TRAP1: variants seen among roughly 807,000 people sequenced by gnomAD.
TRAP1 encodes the protein heat shock protein 75 kDa, mitochondrial.
TRAP1 carries 102 observed loss-of-function variants against 89.1 expected under a neutral mutation model. That is an observed-to-expected ratio of 1.15 (90% confidence interval 0.98 to 1.35). TRAP1 has a LOEUF of 1.35. Among genes scored for constraint, TRAP1 ranks in the 40% most tolerant of loss-of-function variants. The probability of loss-of-function intolerance (pLI) is 0.00; values close to 1 mark genes in which losing one functional copy is unlikely to be tolerated. For missense variants in TRAP1, 1,256 were observed against 945.3 expected (o/e 1.33, Z -4.31); for synonymous variants, 508 against 388.0 (o/e 1.31, Z -3.64).
intron 2 of TRAP1, among the ~76,000 whole-genome samples, chr16:3,690,257 C>T (rs1047708931): frequency 7.2e-5 from 11 of 152,166 alleles, no homozygotes; most frequent in Admixed American, 2.0e-4. Context: ...CCTCCTGCCT[C>T]GGCCTCCCAA....
At chr16:3,686,597 G>A (rs1304305301) in intron 3 of TRAP1, among the ~76,000 whole-genome samples, 3 of 152,190 alleles carry the variant, frequency 2.0e-5, no homozygotes. Context: ...GATTACAGAC[G>A]TGAGCCACGG....
rs1238469212 is a variant in TRAP1 at position 3,689,066 on chromosome 16, A to G, written c.319T>C (p.Ser107Pro). The G allele has an allele frequency of 6.2e-7, 1 of 1,611,916 alleles. No individual in the cohort carries two copies. The highest frequency in any genetic ancestry group is 1.7e-5 in the Admixed American group (1 of 59,664). ...LLDIVARSLYSEKEVFIRELI... is the reference protein window; with the variant it reads ...LLDIVARSLYPEKEVFIRELI... ...AGCAGGGAACGCACCTCTTTTTCTG[A>G]GTACAGGGACCGGGCAACAATGTCC... The change falls in exon 3 of 18, where the codon TCA becomes CCA. Residue 107 changes from serine (S) to proline (P), a missense_variant. Physicochemically the swap from Ser to Pro is moderately conservative, Grantham distance 74. Coordinates refer to ENST00000246957, the MANE Select transcript of TRAP1 (RefSeq NM_016292.3).
intron 11 of TRAP1, among the ~76,000 whole-genome samples, chr16:3,668,882 G>C (rs981040915): frequency 6.6e-6 from 1 of 152,232 alleles, no homozygotes; most frequent in African/African-American, 2.4e-5. Flanking sequence ...GAAATACTCA[G>C]GAAACACATT....
At chr16:3,659,602 A>G (rs929758731) in intron 16 of TRAP1, 4 of 152,196 alleles carry the variant, frequency 2.6e-5, no homozygotes, top group African/African-American at 9.6e-5. Flanking sequence ...TTCACTTAGA[A>G]GTCTGATAAA....
intron 14 of TRAP1, 30 bp from the exon 15 acceptor site, chr16:3,662,997 G>A: frequency 6.4e-7 from 1 of 1,552,694 alleles, no homozygotes. Flanking sequence ...AGGGAGCTCA[G>A]GCCTGCATCC....
At chr16:3,678,895 A>G (rs1261985709) in intron 5 of TRAP1, among the ~76,000 whole-genome samples, 3 of 152,180 alleles carry the variant, frequency 2.0e-5, no homozygotes, top group Non-Finnish European at 4.4e-5. Context: ...ACTTTTCTGC[A>G]AAGTCGATTC....
intron 4 of TRAP1, among the ~76,000 whole-genome samples, chr16:3,680,842 G>A (rs1228483101): frequency 1.3e-5 from 2 of 152,198 alleles, no homozygotes; most frequent in Non-Finnish European, 1.5e-5. Flanking sequence ...AGATGCAAGA[G>A]GCACTGCCTG....
At chr16:3,705,636 T>C (rs1187356896) in intron 1 of TRAP1, among the ~76,000 whole-genome samples, 1 of 152,184 alleles carries the variant, frequency 6.6e-6, no homozygotes, top group Non-Finnish European at 1.5e-5. Context: ...CACTCCGCTG[T>C]ATAGATTATT....
chr16:3,692,712 C>G (rs1273909165), intron 1 of TRAP1, among the ~76,000 whole-genome samples: 1 of 145,530 alleles, frequency 6.9e-6, no homozygotes, highest in Non-Finnish European at 1.5e-5. Flanking sequence ...GATTCTCCTG[C>G]CTCAGCCTCC....
Position 3,689,152 on chromosome 16 carries a change from C to G in TRAP1, c.248-15G>C, listed in dbSNP as rs913162151. 3.7e-6 allele frequency: 6 copies of G among 1,605,386 alleles called. No individual in the cohort carries two copies. The African/African-American group carries it at 8.0e-5, about 22-fold the overall frequency. ...GGAAGTGGAACCTAGTAATGAAACA[C>G]AGACACAACCAACAAAGTTTAACTT... On this transcript the variant is annotated splice_polypyrimidine_tract_variant and intron_variant, in intron 2 of 17. Coordinates refer to ENST00000246957, the MANE Select transcript of TRAP1 (RefSeq NM_016292.3).
At chr16:3,662,158 G>C (rs377116981) in intron 15 of TRAP1, 26 bp from the exon 16 acceptor site, 6 of 1,596,208 alleles carry the variant, frequency 3.8e-6, no homozygotes, top group Non-Finnish European at 5.1e-6. Context: ...GGGGTTGAGG[G>C]TGATAGAGGT....
rs1373022684 is a variant in TRAP1 at position 3,662,981 on chromosome 16, G to A, written c.1709-14C>T. On this transcript the variant is annotated splice_polypyrimidine_tract_variant and intron_variant, in intron 14 of 17. Coordinates refer to ENST00000246957, the MANE Select transcript of TRAP1 (RefSeq NM_016292.3). ...GGCACTCGGCGGCTGCGGAAGAGCAGGCGACAGGGAGCTCAGGCCTGCATC... is the reference window on the plus strand; with the variant it reads ...GGCACTCGGCGGCTGCGGAAGAGCAAGCGACAGGGAGCTCAGGCCTGCATC... The A allele has an allele frequency of 6.3e-7, 1 of 1,594,138 alleles. No individual in the cohort carries two copies. Among genetic ancestry groups the A allele is most frequent in the Non-Finnish European group, 8.5e-7 (1 of 1,174,280 alleles).
chr16:3,670,111 A>G (rs936448654), intron 11 of TRAP1, among the ~76,000 whole-genome samples: 2 of 151,820 alleles, frequency 1.3e-5, no homozygotes, highest in African/African-American at 2.4e-5. Flanking sequence ...GGCCGGGCGC[A>G]GTGGCTCAAA....
intron 14 of TRAP1, 29 bp from the exon 15 acceptor site, chr16:3,662,996 A>T (rs1214632911): frequency 1.3e-6 from 2 of 1,554,630 alleles, no homozygotes; most frequent in African/African-American, 2.7e-5. Flanking sequence ...CAGGGAGCTC[A>T]GGCCTGCATC....
chr16:3,664,142 T>A, intron 13 of TRAP1, 132 bp downstream of exon 13: 1 of 951,154 alleles, frequency 1.1e-6, no homozygotes, highest in Non-Finnish European at 1.5e-6. Context: ...CCGGCCTCTG[T>A]GCCCGTGACC....
In TRAP1 at chr16:3,672,692, C is replaced by A; in HGVS notation, c.1165+8G>T. On this transcript the variant is annotated splice_region_variant and intron_variant, in intron 10 of 17. Transcript: ENST00000246957. ...GGGGGCACTGCTCACGGACTCTGAG[C>A]AGCGTACCTCGGATGAAGCGCAGCC... 1.9e-6 allele frequency: 3 copies of A among 1,604,678 alleles called. No homozygotes were observed. The East Asian group carries it at 6.7e-5, about 36-fold the overall frequency.
rs753989266 is a variant in TRAP1, at chr16:3,664,177, G to A, written c.1569+97C>T. ...CCTGACCCACTGTGCAGCCCTGCCC[G>A]GAGTCTTGGGCAGGTTCACCCAGCA... On this transcript the variant is annotated intron_variant, in intron 13 of 17. Coordinates refer to ENST00000246957, the MANE Select transcript of TRAP1 (RefSeq NM_016292.3). The A allele has an allele frequency of 8.3e-5, 109 of 1,306,282 alleles. No homozygotes were observed. The Middle Eastern group carries it at 1.1e-3, about 13-fold the overall frequency. 80.9% of individuals were successfully genotyped at this position (1,306,282 alleles called of 1,614,324 possible).
chr16:3,678,900 C>T (rs1296587310), intron 5 of TRAP1, among the ~76,000 whole-genome samples: 3 of 152,196 alleles, frequency 2.0e-5, no homozygotes, highest in Admixed American at 1.3e-4. Context: ...TCTGCAAAGT[C>T]GATTCCCTGA....
Position 3,686,153 on chromosome 16 carries a change from G to A in TRAP1, c.331-17C>T, listed in dbSNP as rs140047007. The A allele has an allele frequency of 1.6e-4, 253 of 1,612,690 alleles. No homozygotes were observed. The African/African-American group carries it at 2.7e-3, about 17-fold the overall frequency. ...TATAAACACCTACAGGAATAGAAATGGGAGGCACAGACAATGAAGGACACT... is the reference window on the plus strand; with the variant it reads ...TATAAACACCTACAGGAATAGAAATAGGAGGCACAGACAATGAAGGACACT... On this transcript the variant is annotated splice_polypyrimidine_tract_variant and intron_variant, in intron 3 of 17. Coordinates refer to ENST00000246957, the MANE Select transcript of TRAP1 (RefSeq NM_016292.3).
Sources: gnomAD v4.1 joint callset for allele counts (sites outside exome capture counted in the v4.1 genomes callset) on GRCh38, gnomAD v4.1.1 for gene constraint, MANE v1.5 for transcripts, NCBI Gene and HGNC (gene_info 2026-07-23, HGNC 2026-07-21) for gene names.